The following TMTC1 variants were observed in gnomAD, a reference collection of about 807,000 sequenced individuals.
The protein encoded by TMTC1 is transmembrane O-mannosyltransferase targeting cadherins 1.
TMTC1 carries 73 observed loss-of-function variants against 104.8 expected under a neutral mutation model. That is an observed-to-expected ratio of 0.70 (90% confidence interval 0.58 to 0.85). TMTC1 has a LOEUF of 0.85. Among genes scored for constraint, TMTC1 ranks in the 40% least tolerant of loss-of-function variants. The pLI, the probability that TMTC1 is intolerant of heterozygous loss-of-function variation, is 0.00. For synonymous variants in TMTC1, 434 were observed against 428.7 expected (o/e 1.01, Z -0.15); for missense variants, 1,035 against 1,096.1 (o/e 0.94, Z 0.79).
chr12:29,716,531 A>C (rs536096808), intron 5 of TMTC1, among the ~76,000 whole-genome samples: 1 of 152,254 alleles, frequency 6.6e-6, no homozygotes, highest in African/African-American at 2.4e-5. Context: ...ATACAGAAGA[A>C]ATTTTAATAT....
intron 8 of TMTC1, among the ~76,000 whole-genome samples, chr12:29,573,090 G>A (rs903113923): frequency 6.6e-6 from 1 of 152,000 alleles, no homozygotes; most frequent in East Asian, 1.9e-4. Context: ...CAAGGTCATC[G>A]CTTCCTCCTT....
At chr12:29,659,365 C>T (rs889699870) in intron 5 of TMTC1, among the ~76,000 whole-genome samples, 2 of 152,120 alleles carry the variant, frequency 1.3e-5, no homozygotes, top group African/African-American at 2.4e-5. Context: ...GATTAATGCC[C>T]TTCCTTGGAG....
intron 4 of TMTC1, among the ~76,000 whole-genome samples, chr12:29,754,510 G>A (rs1943169627): frequency 6.6e-6 from 1 of 152,150 alleles, no homozygotes; most frequent in Non-Finnish European, 1.5e-5. Flanking sequence ...AAGACATTAG[G>A]AGGTTGAGAC....
chr12:29,746,921 C>T (rs1942968883), intron 5 of TMTC1, among the ~76,000 whole-genome samples: 1 of 152,120 alleles, frequency 6.6e-6, no homozygotes, highest in Non-Finnish European at 1.5e-5. Context: ...TCTTTCACTG[C>T]CATATTTCCA....
chr12:29,569,250 C>A (rs1945601804), intron 9 of TMTC1, among the ~76,000 whole-genome samples: 2 of 152,116 alleles, frequency 1.3e-5, no homozygotes, highest in Admixed American at 1.3e-4. Context: ...GCAGAATATT[C>A]ATGTCATACA....
chr12:29,704,167 A>G (rs1323185736), intron 5 of TMTC1, among the ~76,000 whole-genome samples: 1 of 152,202 alleles, frequency 6.6e-6, no homozygotes, highest in Non-Finnish European at 1.5e-5. Context: ...GATTTTACCA[A>G]CTTCAGTAAT....
intron 5 of TMTC1, among the ~76,000 whole-genome samples, chr12:29,644,103 A>T (rs1473408820): frequency 1.6e-4 from 11 of 70,892 alleles, no homozygotes; most frequent in African/African-American, 6.4e-4. Context: ...ATAAATATAT[A>T]AATATATATG....
chr12:29,572,377 T>C (rs1411513261), intron 8 of TMTC1, among the ~76,000 whole-genome samples, 159 bp from the exon 9 acceptor site: 1 of 152,262 alleles, frequency 6.6e-6, no homozygotes, highest in Non-Finnish European at 1.5e-5. Context: ...TTACAAATTA[T>C]ATAATTTACT....
chr12:29,745,618 CAAAAAAAAAAA>C (rs71444341), intron 5 of TMTC1, among the ~76,000 whole-genome samples: 3 of 84,574 alleles, frequency 3.5e-5, no homozygotes, highest in Admixed American at 1.6e-4. Flanking sequence ...GAGACTCAAT[CAAAAAAAAAAA>C]AAAAAAAAAA....
chr12:29,637,085 A>AAAACACACACAC lies in TMTC1; in HGVS notation c.939-3750_939-3749insGTGTGTGTGTTT, dbSNP rs374276185. Among the ~76,000 whole-genome samples, 142 of 47,688 alleles carry AAAACACACACAC rather than the reference A, an allele frequency of 3.0e-3. 1 individual carries two copies. Among genetic ancestry groups the AAAACACACACAC allele is most frequent in the South Asian group, 9.2e-3 (14 of 1,526 alleles). 31.3% of individuals were successfully genotyped at this position (47,688 alleles called of 152,430 possible). On this transcript the variant is annotated intron_variant, in intron 5 of 17. Coordinates refer to ENST00000539277, the MANE Select transcript of TMTC1 (RefSeq NM_001193451.2). ...CAAAATGAAACGAAACAAAATGAGA[A>AAAACACACACAC]ACACACACACACACACACACACACA... is the stretch of plus-strand genomic sequence containing the variant.
intron 6 of TMTC1, among the ~76,000 whole-genome samples, chr12:29,615,850 G>C (rs190300145): frequency 1.3e-5 from 2 of 152,166 alleles, no homozygotes; most frequent in East Asian, 3.9e-4. Flanking sequence ...CTGTGGTGGC[G>C]GTTGTTTTTG....
At chr12:29,729,041 A>T (rs188067587) in intron 5 of TMTC1, among the ~76,000 whole-genome samples, 7 of 150,884 alleles carry the variant, frequency 4.6e-5, no homozygotes, top group African/African-American at 1.7e-4. Context: ...CCACAGGTTA[A>T]CTCTTCCAAT....
chr12:29,780,127 G>A (rs1189266504), intron 1 of TMTC1, among the ~76,000 whole-genome samples: 1 of 152,148 alleles, frequency 6.6e-6, no homozygotes, highest in Non-Finnish European at 1.5e-5. Flanking sequence ...CCACCATATG[G>A]CCCAGCAATT....
rs373899980 is a variant in TMTC1 at position 29,751,846 on chromosome 12, C to T, written c.758G>A (p.Ser253Asn). 2 of 1,586,676 alleles carry T rather than the reference C, an allele frequency of 1.3e-6. No homozygotes were observed. The highest frequency in any genetic ancestry group is 2.7e-5 in the African/African-American group (2 of 74,248). ...CTGGGGGCTCCCGGGCTGCTGTGGGCTGCGTGGACAGAGGGCCCCATTGCT... is the reference window on the plus strand; with the variant it reads ...CTGGGGGCTCCCGGGCTGCTGTGGGTTGCGTGGACAGAGGGCCCCATTGCT... ...KSSNGALCPR[S>N]PQQPGSPQPS... The change falls in exon 5 of 18, where the codon AGC becomes AAC. Residue 253 changes from serine to asparagine, a missense_variant. Coordinates refer to ENST00000539277, the MANE Select transcript of TMTC1 (RefSeq NM_001193451.2).
intron 6 of TMTC1, among the ~76,000 whole-genome samples, chr12:29,605,756 T>C (rs933807492): frequency 6.6e-6 from 1 of 152,210 alleles, no homozygotes; most frequent in Non-Finnish European, 1.5e-5. Context: ...GCAGGTTTAC[T>C]ACAAGGGTAT....
At chr12:29,576,540 C>T (rs903974024) in intron 8 of TMTC1, among the ~76,000 whole-genome samples, 1 of 152,096 alleles carries the variant, frequency 6.6e-6, no homozygotes, top group African/African-American at 2.4e-5. Context: ...AAGAAAAATA[C>T]TGCATGATCT....
intron 17 of TMTC1, among the ~76,000 whole-genome samples, chr12:29,509,250 T>C (rs540343771): frequency 2.3e-4 from 35 of 152,350 alleles, no homozygotes; most frequent in East Asian, 9.6e-4. Flanking sequence ...TTGATGCAAC[T>C]CTTTGATGAT....
Position 29,748,428 on chromosome 12 carries a change from C to G in TMTC1, c.938+3238G>C, listed in dbSNP as rs529125090. 3.3e-5 allele frequency among the ~76,000 whole-genome samples: 5 copies of G among 152,338 alleles called. No individual in the cohort carries two copies. The East Asian group carries it at 9.6e-4, about 29-fold the overall frequency. The stretch of plus-strand genomic sequence containing the variant: ...TCCACATAGAAATCAAACAAGCACC[C>G]TGCCTCTTCCCCAAAGCTTAGCCCT... On this transcript the variant is annotated intron_variant, in intron 5 of 17. Coordinates refer to ENST00000539277, the MANE Select transcript of TMTC1 (RefSeq NM_001193451.2).
intron 5 of TMTC1, among the ~76,000 whole-genome samples, chr12:29,728,153 C>T (rs1483879027): frequency 3.3e-5 from 5 of 152,238 alleles, no homozygotes; most frequent in South Asian, 2.1e-4. Context: ...CATCAGGCTC[C>T]GTTGTTAAAG....
Sources: gnomAD v4.1 joint callset for allele counts (sites outside exome capture counted in the v4.1 genomes callset) on GRCh38, gnomAD v4.1.1 for gene constraint, MANE v1.5 for transcripts, NCBI Gene and HGNC (gene_info 2026-07-23, HGNC 2026-07-21) for gene names.